The following PEX14 variants were observed in gnomAD, a reference collection of about 807,000 sequenced individuals.
The protein encoded by PEX14 is peroxisomal biogenesis factor 14.
A neutral mutation model predicts 49.5 loss-of-function variants in PEX14; 15 were observed. That is an observed-to-expected ratio of 0.30 (90% CI 0.20 to 0.47). PEX14 has a LOEUF of 0.47. Among genes scored for constraint, PEX14 ranks in the 20% least tolerant of loss-of-function variants. The pLI is 1.00. For missense variants in PEX14, 398 were observed against 494.8 expected (o/e 0.80, Z 1.86); for synonymous variants, 210 against 212.7 (o/e 0.99, Z 0.11).
chr1:10,507,344 C>T (rs907152847), intron 2 of PEX14, among the ~76,000 whole-genome samples: 3 of 152,262 alleles, frequency 2.0e-5, no homozygotes, highest in Admixed American at 6.5e-5. Context: ...AACGTATCTT[C>T]AGCCGATGCT....
intron 4 of PEX14, among the ~76,000 whole-genome samples, chr1:10,601,262 C>CAAAA (rs58910333): frequency 0.065 from 3,680 of 56,944 alleles, 317 homozygotes; most frequent in African/African-American, 0.16. Context: ...GACTCTGTCT[C>CAAAA]AAAAAAAAAA....
intron 2 of PEX14, among the ~76,000 whole-genome samples, chr1:10,503,281 C>CAAAAAAAAAAAAAAAAAAAAAA (rs59342388): frequency 2.6e-5 from 2 of 75,490 alleles, no homozygotes; most frequent in Non-Finnish European, 4.6e-5. Flanking sequence ...GACTCTGTCT[C>CAAAAAAAAAAAAAAAAAAAAAA]AAAAAAAAAA....
At chr1:10,530,541 A>T (rs1638617848) in intron 2 of PEX14, among the ~76,000 whole-genome samples, 1 of 152,102 alleles carries the variant, frequency 6.6e-6, no homozygotes, top group Non-Finnish European at 1.5e-5. Context: ...TTTTACTCCG[A>T]GTGTGCAGGC....
intron 3 of PEX14, among the ~76,000 whole-genome samples, chr1:10,559,218 C>T (rs1557844304): frequency 6.6e-6 from 1 of 152,086 alleles, no homozygotes; most frequent in East Asian, 1.9e-4. Context: ...GAGGTACAAT[C>T]ACCCCCTTTT....
At chr1:10,533,474 A>G (rs1306193325) in intron 2 of PEX14, among the ~76,000 whole-genome samples, 1 of 152,192 alleles carries the variant, frequency 6.6e-6, no homozygotes, top group African/African-American at 2.4e-5. Flanking sequence ...TCTCCCTTCC[A>G]AATTCATTTT....
chr1:10,494,255 T>A lies in PEX14; in HGVS notation c.37-1019T>A, dbSNP rs1303924514. On this transcript the variant is annotated intron_variant, in intron 1 of 8. Coordinates refer to ENST00000356607, the MANE Select transcript of PEX14 (RefSeq NM_004565.3). The surrounding 1 kb of genome is among the most constrained non-coding windows in gnomAD (Gnocchi z 4.3). ...TTGGGAACCCTCTGCAGACCGGGCC[T>A]CTGTCCTTTTCCAAGGCGGCCTGGC... 6.6e-6 allele frequency among the ~76,000 whole-genome samples: 1 copy of A among 152,194 alleles called. No individual in the cohort carries two copies. The highest frequency in any genetic ancestry group is 1.9e-4 in the East Asian group (1 of 5,200).
intron 3 of PEX14, among the ~76,000 whole-genome samples, chr1:10,573,130 A>G (rs573353837): frequency 1.3e-5 from 2 of 152,316 alleles, no homozygotes; most frequent in South Asian, 2.1e-4. Flanking sequence ...GCTTTACTAT[A>G]ATCTTATGGG....
chr1:10,611,840 T>G (rs1641285435), intron 4 of PEX14, among the ~76,000 whole-genome samples: 2 of 152,244 alleles, frequency 1.3e-5, no homozygotes, highest in Non-Finnish European at 2.9e-5. Context: ...ACTTTGTCTT[T>G]TTATTATTAT....
rs12566359 is a variant in PEX14 at position 10,522,916 on chromosome 1, G to A, written c.85-13297G>A. The stretch of plus-strand genomic sequence containing the variant: ...TGAATATCTGGAATATAATTTAATC[G>A]TGATGACTCAGTATTGTCATTTTAG... On this transcript the variant is annotated intron_variant, in intron 2 of 8. Coordinates refer to ENST00000356607, the MANE Select transcript of PEX14 (RefSeq NM_004565.3). Among the ~76,000 whole-genome samples, 12 of 152,250 alleles carry A rather than the reference G, an allele frequency of 7.9e-5. No homozygotes were observed. In the East Asian group the frequency reaches 2.3e-3, roughly 29 times the overall value.
At chr1:10,552,578 C>CCTCT (rs2124513199) in intron 3 of PEX14, among the ~76,000 whole-genome samples, 1 of 152,322 alleles carries the variant, frequency 6.6e-6, no homozygotes, top group East Asian at 1.9e-4. Flanking sequence ...CTGGAAAAAT[C>CCTCT]ATCTATCCAT....
At position 10,554,711 on chromosome 1, in the gene PEX14, C is replaced by CT. The variant is rs199687443; in HGVS notation, c.169+18422dup. On this transcript the variant is annotated intron_variant, in intron 3 of 8. Coordinates refer to ENST00000356607, the MANE Select transcript of PEX14 (RefSeq NM_004565.3). Reference sequence around the variant, plus strand: ...GCTTTGAAAGCATATAGGCTGTATGCTTTTTTTTCTTTTTTTTTTAAAGAC... The same window carrying CT: ...GCTTTGAAAGCATATAGGCTGTATGCTTTTTTTTTCTTTTTTTTTTAAAGAC... Among the ~76,000 whole-genome samples, 516 of 132,130 alleles carry CT rather than the reference C, an allele frequency of 3.9e-3. 2 individuals carry two copies. Among genetic ancestry groups the CT allele is most frequent in the African/African-American group, 0.013 (494 of 38,584 alleles). The allele number at this position is 132,130 out of a possible 152,430, so 86.7% of individuals were successfully genotyped here.
chr1:10,475,047 T>C lies in PEX14; in HGVS notation c.36+45T>C, dbSNP rs1193078987. ...CCCGCTGTGCGGCGGAGACCCCGGC[T>C]GGAGGGGGCGCTCAGCATACGGCTG... On this transcript the variant is annotated intron_variant, in intron 1 of 8. Transcript: ENST00000356607. 4.5e-6 allele frequency: 7 copies of C among 1,571,076 alleles called. No individual in the cohort carries two copies. In the Admixed American group the frequency reaches 1.2e-4, roughly 28 times the overall value.
intron 3 of PEX14, among the ~76,000 whole-genome samples, chr1:10,541,818 G>T (rs994649197): frequency 1.3e-5 from 2 of 152,240 alleles, no homozygotes; most frequent in African/African-American, 4.8e-5. Context: ...TGTAGAAACA[G>T]AGATGCCCTG....
chr1:10,608,055 C>T (rs1381960411), intron 4 of PEX14, among the ~76,000 whole-genome samples: 2 of 152,190 alleles, frequency 1.3e-5, no homozygotes, highest in African/African-American at 2.4e-5. Context: ...GCAACCTCTA[C>T]CTCACGGGCT....
chr1:10,516,836 T>C (rs1377062448), intron 2 of PEX14, among the ~76,000 whole-genome samples: 1 of 152,216 alleles, frequency 6.6e-6, no homozygotes, highest in Non-Finnish European at 1.5e-5. Context: ...GAGGACAGCC[T>C]GGTGAGTGAT....
intron 1 of PEX14, among the ~76,000 whole-genome samples, chr1:10,481,882 G>C (rs567087529): frequency 6.7e-6 from 1 of 149,518 alleles, no homozygotes; most frequent in South Asian, 2.1e-4. Context: ...GGAGTGCAGT[G>C]GTACGATTTC....
chr1:10,483,268 G>T (rs1189511175), intron 1 of PEX14, among the ~76,000 whole-genome samples: 1 of 152,154 alleles, frequency 6.6e-6, no homozygotes, highest in African/African-American at 2.4e-5. Context: ...TGATCCTCCT[G>T]CCTTGGCCTC....
chr1:10,540,649 T>G (rs1638975101), intron 3 of PEX14, among the ~76,000 whole-genome samples: 1 of 152,218 alleles, frequency 6.6e-6, no homozygotes, highest in Non-Finnish European at 1.5e-5. Context: ...ATTTTCTCCT[T>G]CAGCTTTACT....
intron 3 of PEX14, among the ~76,000 whole-genome samples, chr1:10,537,935 T>TA (rs35357504): frequency 5.6e-4 from 85 of 151,132 alleles, no homozygotes; most frequent in Non-Finnish European, 9.3e-4. Context: ...GAGAGAAAAC[T>TA]TTTTGTGCAA....
Sources: gnomAD v4.1 joint callset for allele counts (sites outside exome capture counted in the v4.1 genomes callset) on GRCh38, gnomAD v4.1.1 for gene constraint, Gnocchi (gnomAD v3.1) non-coding constraint, MANE v1.5 for transcripts, NCBI Gene and HGNC (gene_info 2026-07-23, HGNC 2026-07-21) for gene names.